ZNF251: variants seen among roughly 807,000 people sequenced by gnomAD.
ZNF251 encodes zinc finger protein 251.
Under a neutral mutation model 13.5 loss-of-function variants are expected in ZNF251, and 14 were observed. The ratio of observed to expected loss-of-function variants is 1.04; its 90% CI spans 0.69 to 1.63. The LOEUF (loss-of-function observed/expected upper bound fraction) is 1.63, where lower values mean the gene tolerates loss of function less well. ZNF251 is among the 40% of genes most tolerant of loss of function. The probability of loss-of-function intolerance (pLI) is 0.00; values close to 1 mark genes in which losing one functional copy is unlikely to be tolerated. For missense variants in ZNF251, 764 were observed against 834.9 expected (o/e 0.92, Z 1.05); for synonymous variants, 287 against 295.2 (o/e 0.97, Z 0.28).
At position 144,728,456 on chromosome 8, in the gene ZNF251, G is replaced by A. The variant is rs180817863; in HGVS notation, c.278-5074C>T. On this transcript the variant is annotated intron_variant, in intron 4 of 4. Coordinates refer to ENST00000292562, the MANE Select transcript of ZNF251 (RefSeq NM_138367.2). The stretch of plus-strand genomic sequence containing the variant: ...AGACGGGCGGATCACGAGGTCAGGA[G>A]ATCGAGACCATCCTGGCTAACATGG... 3.2e-3 allele frequency among the ~76,000 whole-genome samples: 487 copies of A among 152,078 alleles called. 1 individual carries two copies. The highest frequency in any genetic ancestry group is 4.0e-3 in the Non-Finnish European group (269 of 67,992).
At chr8:144,729,415 C>T (rs1823624666) in intron 4 of ZNF251, among the ~76,000 whole-genome samples, 1 of 150,486 alleles carries the variant, frequency 6.6e-6, no homozygotes, top group Non-Finnish European at 1.5e-5. Flanking sequence ...CGGCTCACTG[C>T]AAGCTCCGCC....
chr8:144,753,755 G>T lies in ZNF251; in HGVS notation c.205C>A (p.Gln69Lys), dbSNP rs987171813. ...TTCAGGACCCAAAGTTCCTTCCCCT[G>T]CTCCAGCTGGGAGATCAACTCCGGC... ...PKPELISQLE[Q>K]GKELWVLNLL... Residue 69 changes from glutamine to lysine, a missense_variant, in exon 4 of 5, where the codon CAG becomes AAG. Physicochemically the swap from Gln to Lys is moderately conservative, Grantham distance 53 (BLOSUM62 1). Coordinates refer to ENST00000292562, the MANE Select transcript of ZNF251 (RefSeq NM_138367.2). 9 of 1,596,386 alleles carry T rather than the reference G, an allele frequency of 5.6e-6. No homozygotes were observed. In the African/African-American group the frequency reaches 1.1e-4, roughly 19 times the overall value.
At chr8:144,729,222 T>A (rs949283048) in intron 4 of ZNF251, among the ~76,000 whole-genome samples, 2 of 152,052 alleles carry the variant, frequency 1.3e-5, no homozygotes, top group Non-Finnish European at 2.9e-5. Context: ...CTCCTGGTTA[T>A]AAAAGTCAAA....
intron 1 of ZNF251, 43 bp from the exon 2 acceptor site, chr8:144,754,846 G>C (rs1245654284): frequency 1.3e-6 from 2 of 1,493,632 alleles, no homozygotes; most frequent in East Asian, 2.5e-5. Context: ...TCAACCAGGG[G>C]TGTGGAAGGA....
intron 4 of ZNF251, among the ~76,000 whole-genome samples, chr8:144,729,432 G>T (rs1823625600): frequency 6.6e-6 from 1 of 150,804 alleles, no homozygotes. Flanking sequence ...CGCCTCCCGG[G>T]TTCACGCCAT....
chr8:144,750,846 G>GTTTTTTTTTTTTTTTTTTT, intron 4 of ZNF251, among the ~76,000 whole-genome samples: 1 of 141,314 alleles, frequency 7.1e-6, no homozygotes, highest in Admixed American at 7.2e-5. Flanking sequence ...TCTCTCCAGA[G>GTTTTTTTTTTTTTTTTTTT]TTTTTTTTTT....
chr8:144,722,032 T>C lies in ZNF251; in HGVS notation c.1628A>G (p.His543Arg), dbSNP rs750814347. Residue 543 changes from histidine to arginine, a missense_variant, in exon 5 of 5, where the codon CAC (histidine) becomes CGC (arginine). Physicochemically the swap from His to Arg is conservative, Grantham distance 29. Coordinates refer to ENST00000292562, the MANE Select transcript of ZNF251 (RefSeq NM_138367.2). This position sits in a 1 kb window ranked among gnomAD's most constrained non-coding sequence, Gnocchi z 4.8. ...TGCACCATGGTTAAAGGCTCTGCCG[T>C]GCTTCTCTCCAGTGGGAATCTGTCC... is the stretch of plus-strand genomic sequence containing the variant. ...ADGQIPTGEK[H>R]GRAFNHGANL... 6.8e-6 allele frequency: 11 copies of C among 1,610,888 alleles called. No individual in the cohort carries two copies. In the South Asian group the frequency reaches 8.8e-5, roughly 13 times the overall value.
At chr8:144,752,902 G>A (rs1385397559) in intron 4 of ZNF251, among the ~76,000 whole-genome samples, 1 of 152,156 alleles carries the variant, frequency 6.6e-6, no homozygotes, top group Non-Finnish European at 1.5e-5. Context: ...GACTGTCTCA[G>A]TAGCTGGCAG....
At chr8:144,728,662 C>CAAAA (rs573364533) in intron 4 of ZNF251, among the ~76,000 whole-genome samples, 16 of 56,382 alleles carry the variant, frequency 2.8e-4, no homozygotes, top group African/African-American at 8.4e-4. Flanking sequence ...GGCTCCGTCT[C>CAAAA]AAAAAAAAAA....
chr8:144,723,450 G>A, intron 4 of ZNF251, 68 bp from the exon 5 acceptor site: 2 of 1,220,802 alleles, frequency 1.6e-6, no homozygotes, highest in East Asian at 2.7e-5. Flanking sequence ...CCATAATGTG[G>A]TAGAAGCTCC....
chr8:144,737,453 G>A (rs985913842), intron 4 of ZNF251, among the ~76,000 whole-genome samples: 2 of 152,050 alleles, frequency 1.3e-5, no homozygotes, highest in African/African-American at 4.8e-5. Context: ...CTTGCAGTCA[G>A]AGTGCAGATC....
At chr8:144,735,421 T>C (rs1823853184) in intron 4 of ZNF251, among the ~76,000 whole-genome samples, 3 of 151,744 alleles carry the variant, frequency 2.0e-5, no homozygotes, top group Admixed American at 2.0e-4. Flanking sequence ...ATTTTTGTAT[T>C]GCCAGAGTGA....
chr8:144,727,961 A>G (rs1362283051), intron 4 of ZNF251, among the ~76,000 whole-genome samples: 1 of 152,110 alleles, frequency 6.6e-6, no homozygotes, highest in Non-Finnish European at 1.5e-5. Flanking sequence ...TACAGGCTTG[A>G]TCCACCACGC....
intron 4 of ZNF251, among the ~76,000 whole-genome samples, chr8:144,735,404 A>AT (rs1554621460): frequency 0.023 from 3,384 of 147,108 alleles, 61 homozygotes; most frequent in Admixed American, 0.07. Context: ...AAAAAAAGAG[A>AT]TTTTGTATTT....
chr8:144,755,380 C>A, intron 1 of ZNF251, 25 bp downstream of exon 1: 1 of 1,287,556 alleles, frequency 7.8e-7, no homozygotes, highest in South Asian at 1.2e-5. Flanking sequence ...GCTTGGCGCT[C>A]CTTCCTGGTC....
chr8:144,751,297 C>T (rs1361065218), intron 4 of ZNF251, among the ~76,000 whole-genome samples: 1 of 152,162 alleles, frequency 6.6e-6, no homozygotes, highest in Non-Finnish European at 1.5e-5. Context: ...TCAGAAACAG[C>T]TAAAATACTA....
rs760670055 is a variant in ZNF251, at chr8:144,721,994, G to C, written c.1666C>G (p.Arg556Gly). The C allele has an allele frequency of 6.3e-7, 1 of 1,582,272 alleles. No homozygotes were observed. Among genetic ancestry groups the C allele is most frequent in the Non-Finnish European group, 8.6e-7 (1 of 1,164,158 alleles). Reference protein sequence around the residue: ...AFNHGANLILRWTVHTGEKSF... With the variant: ...AFNHGANLILGWTVHTGEKSF... ...TTCTCACCAGTGTGAACTGTCCAGC[G>C]CAGAATGAGATTTGCACCATGGTTA... Residue 556 changes from arginine to glycine, a missense_variant, in exon 5 of 5, where the codon CGC (arginine) becomes GGC (glycine). By Grantham distance (125) the Arg-to-Gly change is moderately radical. Coordinates refer to ENST00000292562, the MANE Select transcript of ZNF251 (RefSeq NM_138367.2).
chr8:144,729,999 C>T lies in ZNF251; in HGVS notation c.278-6617G>A, dbSNP rs192405224. The T allele has an allele frequency of 1.1e-3, 1,088 of 976,176 alleles. 11 individuals carry two copies. The Middle Eastern group carries it at 0.03, about 27-fold the overall frequency. The allele number at this position is 976,176 out of a possible 1,614,324, so 60.5% of individuals were successfully genotyped here. On this transcript the variant is annotated intron_variant, in intron 4 of 4. Coordinates refer to ENST00000292562, the MANE Select transcript of ZNF251 (RefSeq NM_138367.2). ...CAGGGCTGAGCCCACCCAGGGCTGG[C>T]GTTGTTCCCAGGAGCGGGTGCCCTC...
chr8:144,733,017 T>C (rs961323375), intron 4 of ZNF251, among the ~76,000 whole-genome samples: 7 of 149,164 alleles, frequency 4.7e-5, no homozygotes, highest in African/African-American at 1.7e-4. Context: ...AGGTCAGGAG[T>C]TCGAGAGCAG....
Sources: gnomAD v4.1 joint callset for allele counts (sites outside exome capture counted in the v4.1 genomes callset) on GRCh38, gnomAD v4.1.1 for gene constraint, Gnocchi (gnomAD v3.1) non-coding constraint, MANE v1.5 for transcripts, NCBI Gene and HGNC (gene_info 2026-07-23, HGNC 2026-07-21) for gene names.